The following PRICKLE1 variants were observed in gnomAD, a reference collection of about 807,000 sequenced individuals.
PRICKLE1 encodes prickle planar cell polarity protein 1, also known as prickle-like protein 1.
Under a neutral mutation model 70.2 loss-of-function variants are expected in PRICKLE1, and 14 were observed. The ratio of observed to expected loss-of-function variants is 0.20; its 90% CI spans 0.13 to 0.31. PRICKLE1 has a LOEUF of 0.31. Among genes scored for constraint, PRICKLE1 ranks in the 10% least tolerant of loss-of-function variants. The pLI, the probability that PRICKLE1 is intolerant of heterozygous loss-of-function variation, is 1.00. For missense variants in PRICKLE1, 821 were observed against 1,026.2 expected (o/e 0.80, Z 2.73); for synonymous variants, 357 against 379.9 (o/e 0.94, Z 0.70).
intron 1 of PRICKLE1, among the ~76,000 whole-genome samples, chr12:42,540,031 A>C (rs530007545): frequency 1.4e-4 from 21 of 152,366 alleles, no homozygotes; most frequent in Admixed American, 5.2e-4. Flanking sequence ...CACCTAGTCA[A>C]GTTAATCAGG....
intron 1 of PRICKLE1, among the ~76,000 whole-genome samples, chr12:42,564,295 T>C (rs1179109783): frequency 6.8e-6 from 1 of 146,290 alleles, no homozygotes. Context: ...GAAAAAGGTC[T>C]CTTTCCAAAA....
intron 1 of PRICKLE1, among the ~76,000 whole-genome samples, chr12:42,545,091 C>G: frequency 6.6e-6 from 1 of 152,022 alleles, no homozygotes; most frequent in East Asian, 1.9e-4. Flanking sequence ...ACAGCCTCAA[C>G]CTCCTGGGCT....
At chr12:42,578,539 G>GC (rs1338798743) in intron 1 of PRICKLE1, among the ~76,000 whole-genome samples, 1 of 152,104 alleles carries the variant, frequency 6.6e-6, no homozygotes, top group East Asian at 1.9e-4. Flanking sequence ...AAGGAAGGAG[G>GC]GTTATTTGAT....
At chr12:42,581,498 A>T (rs1388009297) in intron 1 of PRICKLE1, among the ~76,000 whole-genome samples, 1 of 152,102 alleles carries the variant, frequency 6.6e-6, no homozygotes, top group African/African-American at 2.4e-5. Context: ...TAATCCCAGT[A>T]CTTTGGGAGG....
In PRICKLE1 at chr12:42,498,176, CTTT is replaced by C. The variant is rs59478495; in HGVS notation, c.-48-25615_-48-25613del. Among the ~76,000 whole-genome samples, 8 of 137,826 alleles carry C rather than the reference CTTT, an allele frequency of 5.8e-5. No individual in the cohort carries two copies. In the South Asian group the frequency reaches 9.4e-4, roughly 16 times the overall value. The allele number at this position is 137,826 out of a possible 152,430, so 90.4% of individuals were successfully genotyped here. ...TTTTCTTTTTTTCTTTTCTCTCTCT[CTTT>C]TTTTTTTTTTGGAGACAGGGTCTTG... On this transcript the variant is annotated intron_variant, in intron 1 of 7. Coordinates refer to ENST00000345127, the MANE Select transcript of PRICKLE1 (RefSeq NM_153026.3).
chr12:42,480,679 C>G (rs1424005294), intron 1 of PRICKLE1, among the ~76,000 whole-genome samples: 1 of 152,186 alleles, frequency 6.6e-6, no homozygotes, highest in African/African-American at 2.4e-5. Flanking sequence ...TGAGCCATAA[C>G]TATGTTTCTG....
intron 1 of PRICKLE1, among the ~76,000 whole-genome samples, chr12:42,570,032 A>G (rs1484787984): frequency 6.6e-6 from 1 of 152,230 alleles, no homozygotes; most frequent in Non-Finnish European, 1.5e-5. Context: ...TGGACAAGTA[A>G]ACTTTCAAGA....
intron 1 of PRICKLE1, among the ~76,000 whole-genome samples, chr12:42,534,093 G>T (rs758175041): frequency 6.6e-6 from 1 of 152,082 alleles, no homozygotes; most frequent in Non-Finnish European, 1.5e-5. Context: ...AGGGCTTACG[G>T]TCAGTAATAG....
chr12:42,557,730 T>C (rs1048930273), intron 1 of PRICKLE1, among the ~76,000 whole-genome samples: 3 of 152,214 alleles, frequency 2.0e-5, no homozygotes, highest in Non-Finnish European at 4.4e-5. Flanking sequence ...CATCTTGTTT[T>C]TATAAAACTG....
intron 1 of PRICKLE1, chr12:42,524,872 G>A (rs1368131138): frequency 2.0e-5 from 3 of 152,228 alleles, no homozygotes; most frequent in Non-Finnish European, 2.9e-5. Flanking sequence ...TACTCGTTCT[G>A]ACATCGTGAA....
intron 1 of PRICKLE1, among the ~76,000 whole-genome samples, chr12:42,542,324 A>T (rs1566119738): frequency 6.6e-6 from 1 of 151,880 alleles, no homozygotes; most frequent in Non-Finnish European, 1.5e-5. Context: ...TTACATATTT[A>T]ATCTATATTC....
chr12:42,538,628 A>G (rs1041181774), intron 1 of PRICKLE1, among the ~76,000 whole-genome samples: 5 of 152,132 alleles, frequency 3.3e-5, no homozygotes, highest in Non-Finnish European at 5.9e-5. Context: ...CTGAACTTCT[A>G]CTAGAGTTAA....
intron 1 of PRICKLE1, among the ~76,000 whole-genome samples, chr12:42,566,042 T>C (rs1940615905): frequency 6.6e-6 from 1 of 152,158 alleles, no homozygotes; most frequent in Non-Finnish European, 1.5e-5. Context: ...AGGGAGAGAC[T>C]GGCAGGAGGT....
chr12:42,460,014 G>C lies in PRICKLE1; in HGVS notation c.2291C>G (p.Ser764Cys). The C allele has an allele frequency of 6.2e-7, 1 of 1,614,046 alleles. No individual in the cohort carries two copies. The highest frequency in any genetic ancestry group is 8.5e-7 in the Non-Finnish European group (1 of 1,179,992). ...LYGEDDDSWC[S>C]SSSSSSDSEE... ...CGAGTCGGAAGAGGAGGAGGAGGAA[G>C]AACACCAGGAATCATCATCCTCGCC... is the stretch of plus-strand genomic sequence containing the variant. Residue 764 changes from serine (S) to cysteine (C), a missense_variant, in exon 8 of 8, where the codon TCT (serine) becomes TGT (cysteine). Physicochemically the swap from Ser to Cys is moderately radical, Grantham distance 112. Transcript: ENST00000345127.
chr12:42,464,646 G>A lies in PRICKLE1; in HGVS notation c.1388C>T (p.Ala463Val), dbSNP rs1938010392. ...CATATCAGACTGGTATTTTTTACTT[G>A]CAAGGCTCTGGTTATTTTGCTTTAA... ...TELKQNNQSL[A>V]SKKYQSDMYW... The change falls in exon 7 of 8, where the codon GCA (alanine) becomes GTA (valine). Residue 463 changes from alanine to valine, a missense_variant. Ala to Val is a moderately conservative substitution (Grantham distance 64). Transcript: ENST00000345127. The surrounding 1 kb of genome is among the most constrained non-coding windows in gnomAD (Gnocchi z 4.2). 4 of 1,613,958 alleles carry A rather than the reference G, an allele frequency of 2.5e-6. No homozygotes were observed. The highest frequency in any genetic ancestry group is 3.4e-6 in the Non-Finnish European group (4 of 1,179,996).
At chr12:42,542,451 G>C (rs1940134999) in intron 1 of PRICKLE1, among the ~76,000 whole-genome samples, 1 of 152,110 alleles carries the variant, frequency 6.6e-6, no homozygotes, top group African/African-American at 2.4e-5. Flanking sequence ...AGGAGTTCAA[G>C]ACCACCCTGA....
At chr12:42,510,597 G>C (rs375834676) in intron 1 of PRICKLE1, among the ~76,000 whole-genome samples, 1 of 151,452 alleles carries the variant, frequency 6.6e-6, no homozygotes, top group South Asian at 2.1e-4. Flanking sequence ...TTTTTTTAAA[G>C]GTTTTTAATT....
chr12:42,555,093 A>G (rs973362461), intron 1 of PRICKLE1, among the ~76,000 whole-genome samples: 4 of 152,144 alleles, frequency 2.6e-5, no homozygotes, highest in Admixed American at 6.5e-5. Flanking sequence ...ACCTGAGGTC[A>G]GGAGCTCGAG....
chr12:42,494,489 C>G (rs978866474), intron 1 of PRICKLE1, among the ~76,000 whole-genome samples: 2 of 152,080 alleles, frequency 1.3e-5, no homozygotes, highest in Non-Finnish European at 2.9e-5. Flanking sequence ...ATCAAGAAAC[C>G]ACTTTCTTTG....
Sources: allele counts gnomAD v4.1 joint callset (sites outside exome capture counted in the v4.1 genomes callset), GRCh38; gene constraint gnomAD v4.1.1; non-coding constraint Gnocchi (gnomAD v3.1); transcripts MANE v1.5; gene names NCBI Gene and HGNC (gene_info 2026-07-23, HGNC 2026-07-21).